Variants in SEMA4D observed in about 807,000 individuals in gnomAD.
SEMA4D encodes semaphorin-4D.
In SEMA4D, 22 loss-of-function variants were observed where a neutral mutation model predicts 74.8. The observed-to-expected ratio is 0.29, with a 90% confidence interval of 0.21 to 0.42. The LOEUF (loss-of-function observed/expected upper bound fraction) is 0.42. Ranked by LOEUF, SEMA4D falls within the 10% of genes least tolerant of loss-of-function variation. The pLI, the probability that SEMA4D is intolerant of heterozygous loss-of-function variation, is 1.00. For missense variants in SEMA4D, 937 were observed against 1,118.4 expected (o/e 0.84, Z 2.31); for synonymous variants, 445 against 463.7 (o/e 0.96, Z 0.52).
At chr9:89,423,379 C>G (rs1194277822) in intron 2 of SEMA4D, among the ~76,000 whole-genome samples, 1 of 152,044 alleles carries the variant, frequency 6.6e-6, no homozygotes, top group South Asian at 2.1e-4. Flanking sequence ...TTCGTACACA[C>G]AGGGTTTCTC....
At chr9:89,363,454 C>T (rs1251246470) in exon 18 of SEMA4D, 6 of 1,613,900 alleles carry the variant, frequency 3.7e-6, no homozygotes, top group Non-Finnish European at 5.1e-6. Flanking sequence ...AGCTCTGCAT[C>T]ATCCGGTCGT....
At chr9:89,485,405 A>G (rs1365770242) in intron 1 of SEMA4D, among the ~76,000 whole-genome samples, 1 of 152,162 alleles carries the variant, frequency 6.6e-6, no homozygotes, top group Admixed American at 6.5e-5. Flanking sequence ...CTTTTCAATA[A>G]ATGCTTCTTA....
rs1003608015 is a variant in SEMA4D at position 89,378,474 on chromosome 9, G to C, written c.*230C>G. 1 of 523,188 alleles carries C rather than the reference G, an allele frequency of 1.9e-6. No individual in the cohort carries two copies. Among genetic ancestry groups the C allele is most frequent in the Non-Finnish European group, 3.4e-6 (1 of 292,650 alleles). 32.4% of individuals were successfully genotyped at this position (523,188 alleles called of 1,614,324 possible). ...TTCTTCAAGTACTCCGACTGACTTC[G>C]GAACACAAGACTGGGATGCAATGCT... On this transcript the variant is annotated 3_prime_UTR_variant, in exon 16 of 16. Transcript: ENST00000422704.
Position 89,379,031 on chromosome 9 carries a change from G to A in SEMA4D, c.2262C>T (p.Asn754=). 5.0e-6 allele frequency: 8 copies of A among 1,611,884 alleles called. No homozygotes were observed. Among genetic ancestry groups the A allele is most frequent in the Non-Finnish European group, 6.8e-6 (8 of 1,178,818 alleles). The change falls in exon 16 of 16, where the codon AAC becomes AAT. Residue 754 remains asparagine (N), a synonymous_variant. Coordinates refer to ENST00000422704, the MANE Select transcript of SEMA4D (RefSeq NM_001371194.2). ...GTCTGGGCAGGTATCCCTTATAGCA[G>A]TTGTAGAAAAAGAGGCAGAGGAAGA... ...FVLFLCLFFY[N]CYKGYLPRQC...
intron 1 of SEMA4D, among the ~76,000 whole-genome samples, chr9:89,464,609 A>C (rs1588087265): frequency 6.6e-6 from 1 of 152,212 alleles, no homozygotes; most frequent in African/African-American, 2.4e-5. Context: ...GGACAGGGAC[A>C]CTGAGGACAG....
chr9:89,381,738 A>C lies in SEMA4D; in HGVS notation c.1447-392T>G, dbSNP rs1363078837. ...CACTCCCGGTCATCTTCCCGGCCTC[A>C]CTATAGGTGAGAAGGGGCTGCAGCC... On this transcript the variant is annotated intron_variant, in intron 13 of 15. Coordinates refer to ENST00000422704, the MANE Select transcript of SEMA4D (RefSeq NM_001371194.2). The surrounding 1 kb of genome is among the most constrained non-coding windows in gnomAD (Gnocchi z 4.6). 6.1e-6 allele frequency: 1 copy of C among 164,346 alleles called. No individual in the cohort carries two copies. Among genetic ancestry groups the C allele is most frequent in the Non-Finnish European group, 1.3e-5 (1 of 76,384 alleles). The allele number at this position is 164,346 out of a possible 1,614,324, so 10.2% of individuals were successfully genotyped here. A position where few individuals can be genotyped will look rare whatever the true frequency, so the allele number is the denominator to read the frequency against.
chr9:89,444,330 G>A (rs1009555237), intron 2 of SEMA4D, among the ~76,000 whole-genome samples: 2 of 152,060 alleles, frequency 1.3e-5, no homozygotes, highest in Non-Finnish European at 2.9e-5. Flanking sequence ...ACACATACAG[G>A]CATACACAGG....
intron 4 of SEMA4D, 86 bp from the exon 5 acceptor site, chr9:89,399,424 G>T: frequency 1.9e-6 from 2 of 1,038,062 alleles, no homozygotes; most frequent in Non-Finnish European, 3.0e-6. Flanking sequence ...ACATGATAGA[G>T]TTTAGAGCCT....
At chr9:89,387,725 C>A in intron 11 of SEMA4D, 117 bp from the exon 12 acceptor site, 2 of 786,042 alleles carry the variant, frequency 2.5e-6, no homozygotes, top group South Asian at 1.6e-5. Context: ...ACAATGCATG[C>A]CTTGAAATGA....
downstream of SEMA4D, among the ~76,000 whole-genome samples, chr9:89,372,805 A>G (rs991239216): frequency 5.3e-5 from 8 of 151,928 alleles, no homozygotes; most frequent in African/African-American, 1.7e-4. Flanking sequence ...TGGGCACTGC[A>G]AAGGCATAGT....
chr9:89,452,186 T>TTG (rs59552804), intron 2 of SEMA4D, among the ~76,000 whole-genome samples: 2,596 of 149,036 alleles, frequency 0.017, 31 homozygotes, highest in Middle Eastern at 0.076. Flanking sequence ...TTTTTTGTTT[T>TTG]TTTTTTTTTT....
At chr9:89,435,408 C>T (rs62547244) in intron 2 of SEMA4D, among the ~76,000 whole-genome samples, 31,622 of 152,078 alleles carry the variant, frequency 0.21, 3,510 homozygotes, top group Non-Finnish European at 0.25. Context: ...CGAGGACTGG[C>T]CCTCCAGTTC....
At chr9:89,450,075 G>A in intron 2 of SEMA4D, 2 of 1,296,610 alleles carry the variant, frequency 1.5e-6, no homozygotes, top group African/African-American at 1.5e-5. Flanking sequence ...CTGGAACAAA[G>A]TTGCCCACTT....
At chr9:89,449,146 C>T (rs1328580733) in intron 2 of SEMA4D, among the ~76,000 whole-genome samples, 2 of 152,168 alleles carry the variant, frequency 1.3e-5, no homozygotes, top group East Asian at 3.8e-4. Flanking sequence ...CCCGGGAGCC[C>T]GGCAGATGTA....
At chr9:89,369,659 G>C (rs896369936) in intron 16 of SEMA4D, 3 of 152,248 alleles carry the variant, frequency 2.0e-5, no homozygotes, top group Non-Finnish European at 4.4e-5. Context: ...CGGGTGGTGG[G>C]GTTATTTTTT....
intron 2 of SEMA4D, among the ~76,000 whole-genome samples, chr9:89,430,168 G>A (rs1402304618): frequency 6.6e-6 from 1 of 152,042 alleles, no homozygotes; most frequent in Non-Finnish European, 1.5e-5. Context: ...GGAATTACTG[G>A]ACGGTCAGAA....
chr9:89,389,119 G>T, intron 9 of SEMA4D, 72 bp from the exon 10 acceptor site: 2 of 1,522,750 alleles, frequency 1.3e-6, no homozygotes, highest in Non-Finnish European at 1.8e-6. Flanking sequence ...GGTCAGAGGT[G>T]CACCCCTCCA....
At chr9:89,373,403 G>A (rs1835376464), downstream of SEMA4D, among the ~76,000 whole-genome samples, 1 of 152,160 alleles carries the variant, frequency 6.6e-6, no homozygotes, top group South Asian at 2.1e-4. Flanking sequence ...CATCTCCTGG[G>A]TGACACATGG....
At chr9:89,477,660 C>T (rs190311374) in intron 1 of SEMA4D, among the ~76,000 whole-genome samples, 1 of 152,246 alleles carries the variant, frequency 6.6e-6, no homozygotes, top group Admixed American at 6.5e-5. Context: ...TATGCATGCA[C>T]GCATGTGTGT....
Sources: gnomAD v4.1 joint callset for allele counts (sites outside exome capture counted in the v4.1 genomes callset) on GRCh38, gnomAD v4.1.1 for gene constraint, Gnocchi (gnomAD v3.1) non-coding constraint, MANE v1.5 for transcripts, NCBI Gene and HGNC (gene_info 2026-07-23, HGNC 2026-07-21) for gene names.